Variants in CD101 observed in about 807,000 individuals in gnomAD.
The protein encoded by CD101 is immunoglobulin superfamily member 2.
CD101 carries 76 observed loss-of-function variants against 98.2 expected under a neutral mutation model. That is an observed-to-expected ratio of 0.77 (90% CI 0.64 to 0.94). The LOEUF is 0.94. Among genes scored for constraint, CD101 ranks in the 40% least tolerant of loss-of-function variants. The probability of loss-of-function intolerance (pLI) is 0.00; values close to 1 mark genes in which losing one functional copy is unlikely to be tolerated. For missense variants in CD101, 1,145 were observed against 1,218.8 expected (o/e 0.94, Z 0.90); for synonymous variants, 471 against 472.7 (o/e 1.00, Z 0.05).
chr1:117,027,842 AG>A (rs1160592160), intron 8 of CD101, among the ~76,000 whole-genome samples: 1 of 152,060 alleles, frequency 6.6e-6, no homozygotes, highest in Non-Finnish European at 1.5e-5. Context: ...CCAGCACTTT[AG>A]GAGGCCAAGG....
In CD101 at chr1:117,033,839, T is replaced by C; in HGVS notation, c.2825-21T>C. 2 of 1,613,760 alleles carry C rather than the reference T, an allele frequency of 1.2e-6. No homozygotes were observed. The highest frequency in any genetic ancestry group is 1.7e-6 in the Non-Finnish European group (2 of 1,179,750). ...AATAAGTTGGAGATGAATTACTCTCTTGTTTCTCCCTTCGTTGCAGAGCCC... is the reference window on the plus strand; with the variant it reads ...AATAAGTTGGAGATGAATTACTCTCCTGTTTCTCCCTTCGTTGCAGAGCCC... On this transcript the variant is annotated intron_variant, in intron 8 of 9. Transcript: ENST00000682167. This position sits in a 1 kb window ranked among gnomAD's most constrained non-coding sequence, Gnocchi z 4.8.
chr1:117,015,917 G>A (rs568711501), intron 4 of CD101, among the ~76,000 whole-genome samples: 2 of 152,158 alleles, frequency 1.3e-5, no homozygotes, highest in Non-Finnish European at 2.9e-5. Context: ...TTAAATTAGT[G>A]TTGGGCTGCC....
In CD101 at chr1:117,013,902, A is replaced by T. The variant is rs1478752072; in HGVS notation, c.1228+110A>T. 2.4e-6 allele frequency: 3 copies of T among 1,239,228 alleles called. No individual in the cohort carries two copies. The African/African-American group carries it at 4.6e-5, about 19-fold the overall frequency. 76.8% of individuals were successfully genotyped at this position (1,239,228 alleles called of 1,614,324 possible). A position where few individuals can be genotyped will look rare whatever the true frequency, so the allele number is the denominator to read the frequency against. On this transcript the variant is annotated intron_variant, in intron 4 of 9. Coordinates refer to ENST00000682167, the MANE Select transcript of CD101 (RefSeq NM_001256106.3). ...GGATCTTCATGAAGAGCAGGTTTCA[A>T]TCAGATCACATTGGAGGTGGAGTGG...
In CD101 at chr1:117,017,205, G is replaced by C. The variant is rs763938542; in HGVS notation, c.1344G>C (p.Trp448Cys). The C allele has an allele frequency of 6.2e-7, 1 of 1,614,038 alleles. No homozygotes were observed. Among genetic ancestry groups the C allele is most frequent in the Non-Finnish European group, 8.5e-7 (1 of 1,179,956 alleles). ...GAESPLSVSWWHIPRDQTQPE... is the reference protein window; with the variant it reads ...GAESPLSVSWCHIPRDQTQPE... ...AAAGTCCCCTGTCTGTGAGCTGGTG[G>C]CACATCCCACGGGACCAGACACAGC... Residue 448 changes from tryptophan to cysteine, a missense_variant, in exon 5 of 10, where the codon TGG becomes TGC. Physicochemically the swap from Trp to Cys is radical, Grantham distance 215. Coordinates refer to ENST00000682167, the MANE Select transcript of CD101 (RefSeq NM_001256106.3).
chr1:117,014,618 A>G (rs1653100149), intron 4 of CD101, among the ~76,000 whole-genome samples: 1 of 152,220 alleles, frequency 6.6e-6, no homozygotes, highest in African/African-American at 2.4e-5. Flanking sequence ...TGCAACTAAT[A>G]TAAGGATTCA....
rs2101118003 is a variant in CD101 at position 117,010,122 on chromosome 1, T to G, written c.316T>G (p.Leu106Val). Residue 106 changes from leucine (L) to valine (V), a missense_variant, in exon 2 of 10, where the codon TTG becomes GTG. Physicochemically the swap from Leu to Val is conservative, Grantham distance 32 (BLOSUM62 1). Transcript: ENST00000682167. The surrounding 1 kb of genome is among the most constrained non-coding windows in gnomAD (Gnocchi z 5.2). ...GAGGGTCCAGGGCAACTCAGTCTTG[T>G]TGCACATCTCAAAACTCCAGATGAA... ...VERVQGNSVL[L>V]HISKLQMKDA... The G allele has an allele frequency of 1.2e-5, 20 of 1,614,216 alleles. No homozygotes were observed. Among genetic ancestry groups the G allele is most frequent in the Non-Finnish European group, 1.7e-5 (20 of 1,180,044 alleles).
intron 8 of CD101, among the ~76,000 whole-genome samples, chr1:117,029,003 A>G (rs1654139865): frequency 6.6e-6 from 1 of 151,700 alleles, no homozygotes; most frequent in Admixed American, 6.6e-5. Flanking sequence ...TACAGATTTG[A>G]GCACATTTAT....
intron 8 of CD101, chr1:117,026,465 T>G (rs932146124): frequency 1.3e-5 from 2 of 152,344 alleles, no homozygotes; most frequent in Admixed American, 6.5e-5. Flanking sequence ...TCATTGTTTT[T>G]CCCTGTTCAT....
At chr1:117,024,402 G>A (rs1003545666) in intron 7 of CD101, among the ~76,000 whole-genome samples, 2 of 152,138 alleles carry the variant, frequency 1.3e-5, no homozygotes, top group South Asian at 4.1e-4. Context: ...GCTTGAACCC[G>A]GGAGGCAGAG....
intron 8 of CD101, among the ~76,000 whole-genome samples, chr1:117,030,873 A>G (rs577468231): frequency 6.6e-6 from 1 of 152,340 alleles, no homozygotes; most frequent in African/African-American, 2.4e-5. Context: ...CTCTGAGGAA[A>G]TATCAAAAAG....
intron 9 of CD101, 177 bp downstream of exon 9, chr1:117,034,311 C>T (rs1654664488): frequency 1.2e-5 from 7 of 591,838 alleles, no homozygotes; most frequent in East Asian, 2.9e-5. Context: ...CCTCTCGCAT[C>T]CCCCCTTGGA....
At chr1:117,017,059 G>A in intron 4 of CD101, 31 bp from the exon 5 acceptor site, 14 of 1,586,662 alleles carry the variant, frequency 8.8e-6, no homozygotes, top group Non-Finnish European at 1.2e-5. Flanking sequence ...ACCTAAAACA[G>A]TTTTGTTCTT....
At chr1:117,029,193 A>T (rs1557778763) in intron 8 of CD101, among the ~76,000 whole-genome samples, 2 of 69,260 alleles carry the variant, frequency 2.9e-5, no homozygotes, top group Non-Finnish European at 2.7e-5. Context: ...GAAAGAAAGA[A>T]AGAAAGAAAG....
In CD101 at chr1:117,018,059, T is replaced by A; in HGVS notation, c.1613-97T>A. 1.9e-6 allele frequency: 2 copies of A among 1,026,534 alleles called. No homozygotes were observed. Among genetic ancestry groups the A allele is most frequent in the South Asian group, 3.5e-5 (2 of 57,448 alleles). The allele number at this position is 1,026,534 out of a possible 1,614,324, so 63.6% of individuals were successfully genotyped here. A position where few individuals can be genotyped will look rare whatever the true frequency, so the allele number is the denominator to read the frequency against. ...AGGAAACTCCAAATGTACAAATGCATGGTCCTAGTCAAAGAGGTGGCAACT... is the reference window on the plus strand; with the variant it reads ...AGGAAACTCCAAATGTACAAATGCAAGGTCCTAGTCAAAGAGGTGGCAACT... On this transcript the variant is annotated intron_variant, in intron 5 of 9. Coordinates refer to ENST00000682167, the MANE Select transcript of CD101 (RefSeq NM_001256106.3). The surrounding 1 kb of genome is among the most constrained non-coding windows in gnomAD (Gnocchi z 4.3).
Position 117,033,863 on chromosome 1 carries a change from C to T in CD101, c.2828C>T (p.Pro943Leu), listed in dbSNP as rs1348616499. ...CTTGTTTCTCCCTTCGTTGCAGAGC[C>T]CACGCTTCCTTCCAGGATCTGCTCC... Reference protein sequence around the residue: ...RMVLTVLPSEPTLPSRICSSA... With the variant: ...RMVLTVLPSELTLPSRICSSA... The change falls in exon 9 of 10, where the codon CCC (proline) becomes CTC (leucine). Residue 943 changes from proline to leucine, a missense_variant. Transcript: ENST00000682167. The surrounding 1 kb of genome is among the most constrained non-coding windows in gnomAD (Gnocchi z 4.8). 6.2e-7 allele frequency: 1 copy of T among 1,614,142 alleles called. No homozygotes were observed. Among genetic ancestry groups the T allele is most frequent in the Non-Finnish European group, 8.5e-7 (1 of 1,180,012 alleles).
rs776460187 is a variant in CD101 at position 117,018,113 on chromosome 1, T to A, written c.1613-43T>A. ...AAAACTTGAAAGTGCTATATTTTAA[T>A]CTGGTAAATATATTAGAAATTCTGT... On this transcript the variant is annotated intron_variant, in intron 5 of 9. Coordinates refer to ENST00000682167, the MANE Select transcript of CD101 (RefSeq NM_001256106.3). This position sits in a 1 kb window ranked among gnomAD's most constrained non-coding sequence, Gnocchi z 4.3. 5.3e-6 allele frequency: 8 copies of A among 1,498,214 alleles called. No homozygotes were observed. In the African/African-American group the frequency reaches 1.1e-4, roughly 21 times the overall value. The allele number at this position is 1,498,214 out of a possible 1,614,324, so 92.8% of individuals were successfully genotyped here. A position where few individuals can be genotyped will look rare whatever the true frequency, so the allele number is the denominator to read the frequency against.
At position 117,013,458 on chromosome 1, in the gene CD101, AC is replaced by A; in HGVS notation, c.897del (p.Leu300Ter). The A allele has an allele frequency of 6.2e-7, 1 of 1,611,160 alleles. No individual in the cohort carries two copies. The highest frequency in any genetic ancestry group is 8.5e-7 in the Non-Finnish European group (1 of 1,178,888). ...TADSLFAEGK[P>X]LELVCLVVSS... Reference sequence around the variant, plus strand: ...CTGACAGCTTGTTTGCTGAAGGGAAACCCTTAGAACTGGTTTGCCTGGTTGT... The same window carrying A: ...CTGACAGCTTGTTTGCTGAAGGGAAACCTTAGAACTGGTTTGCCTGGTTGT... On this transcript the variant is annotated frameshift_variant, in exon 4 of 10. Coordinates refer to ENST00000682167, the MANE Select transcript of CD101 (RefSeq NM_001256106.3). LOFTEE classifies it high-confidence loss of function.
At chr1:117,015,227 A>G (rs1653132374) in intron 4 of CD101, among the ~76,000 whole-genome samples, 1 of 152,244 alleles carries the variant, frequency 6.6e-6, no homozygotes, top group African/African-American at 2.4e-5. Flanking sequence ...TATTAGCAAC[A>G]TTTTATCATT....
chr1:117,017,388 T>G lies in CD101; in HGVS notation c.1527T>G (p.Tyr509Ter). ...TFTAITDSGT[Y>*]ECRVSEKSRN... is the part of the protein sequence containing the mutation. ...CTGCCATCACAGACAGTGGCACATA[T>G]GAGTGCAGAGTATCTGAGAAGTCTC... Residue 509 changes from tyrosine (Y) to a stop codon, truncating the protein, a stop_gained, in exon 5 of 10, where the codon TAT becomes TAG. Transcript: ENST00000682167. LOFTEE classifies it high-confidence loss of function. 1 of 1,614,228 alleles carries G rather than the reference T, an allele frequency of 6.2e-7. No individual in the cohort carries two copies. The highest frequency in any genetic ancestry group is 8.5e-7 in the Non-Finnish European group (1 of 1,180,036).
Sources: allele counts gnomAD v4.1 joint callset (sites outside exome capture counted in the v4.1 genomes callset), GRCh38; gene constraint gnomAD v4.1.1; non-coding constraint Gnocchi (gnomAD v3.1); transcripts MANE v1.5; gene names NCBI Gene and HGNC (gene_info 2026-07-23, HGNC 2026-07-21).